Variants in PSD2 observed in about 807,000 individuals in gnomAD.
PSD2 encodes the protein pleckstrin and Sec7 domain containing 2, also known as PH and SEC7 domain-containing protein 2.
PSD2 carries 38 observed loss-of-function variants against 69.8 expected under a neutral mutation model. The observed-to-expected ratio is 0.54, with a 90% CI of 0.42 to 0.71. The LOEUF (loss-of-function observed/expected upper bound fraction) is 0.71. PSD2 is among the 30% of genes least tolerant of loss of function. The probability of loss-of-function intolerance (pLI) is 0.00; values close to 1 mark genes in which losing one functional copy is unlikely to be tolerated. For missense variants in PSD2, 943 were observed against 1,014.5 expected, an observed-to-expected ratio of 0.93 and a Z score of 0.96; for synonymous variants, 412 against 423.0, an observed-to-expected ratio of 0.97 and a Z score of 0.32.
rs1195500925 is a variant in PSD2, at chr5:139,837,022, G to C, written c.1594+21G>C. 6.2e-7 allele frequency: 1 copy of C among 1,606,896 alleles called. No individual in the cohort carries two copies. Among genetic ancestry groups the C allele is most frequent in the Admixed American group, 1.7e-5 (1 of 59,876 alleles). On this transcript the variant is annotated intron_variant, in intron 10 of 14. Coordinates refer to ENST00000274710, the MANE Select transcript of PSD2 (RefSeq NM_032289.4). This position sits in a 1 kb window ranked among gnomAD's most constrained non-coding sequence, Gnocchi z 5.0. ...GAGGAGTGGGTGTCAGGCTGGGAGA[G>C]GGGCATGGGAGGGAGGCTGGCACAG... is the stretch of plus-strand genomic sequence containing the variant.
At chr5:139,823,249 A>C (rs952264872) in intron 7 of PSD2, among the ~76,000 whole-genome samples, 4 of 152,162 alleles carry the variant, frequency 2.6e-5, no homozygotes, top group Non-Finnish European at 4.4e-5. Flanking sequence ...TCATGGCTCA[A>C]TAACTCCTTC....
rs139906609 is a variant in PSD2, at chr5:139,821,670, G to A, written c.1098-223G>A. ...TTTCAGAAGGTCCCTGGAGGGCAAT[G>A]AGGACTGAAACTCTAAAGCTTACCA... is the stretch of plus-strand genomic sequence containing the variant. On this transcript the variant is annotated intron_variant, in intron 5 of 14. Transcript: ENST00000274710. 2.3e-3 allele frequency among the ~76,000 whole-genome samples: 346 copies of A among 152,324 alleles called. 2 individuals carry two copies. The highest frequency in any genetic ancestry group is 4.0e-3 in the Non-Finnish European group (274 of 68,018).
At chr5:139,768,476 A>C in the PSD2 span, among the ~76,000 whole-genome samples, 1 of 152,152 alleles carries the variant, frequency 6.6e-6, no homozygotes, top group Non-Finnish European at 1.5e-5. Flanking sequence ...TAATCCCAGC[A>C]CTTTGGGAGG....
the PSD2 span, chr5:139,746,084 C>T: frequency 6.6e-6 from 1 of 152,198 alleles, no homozygotes; most frequent in South Asian, 2.1e-4. This position sits in a 1 kb window ranked among gnomAD's most constrained non-coding sequence, Gnocchi z 4.5. Flanking sequence ...AGGCCAAGCT[C>T]CACCTCTCTG....
intron 5 of PSD2, among the ~76,000 whole-genome samples, chr5:139,818,891 T>TA (rs1760188945): frequency 6.6e-6 from 1 of 152,238 alleles, no homozygotes; most frequent in African/African-American, 2.4e-5. Context: ...TTAAAAAATT[T>TA]AAAAAATAGA....
At chr5:139,789,991 GGCC>G in the PSD2 span, among the ~76,000 whole-genome samples, 1 of 148,574 alleles carries the variant, frequency 6.7e-6, no homozygotes, top group African/African-American at 2.4e-5. Context: ...AGCAGCACGG[GGCC>G]GGGCGGGCGC....
At position 139,814,079 on chromosome 5, in the gene PSD2, T is replaced by G; in HGVS notation, c.822-91T>G. The G allele has an allele frequency of 8.0e-7, 1 of 1,246,348 alleles. No homozygotes were observed. The highest frequency in any genetic ancestry group is 2.4e-5 in the East Asian group (1 of 42,414). The allele number at this position is 1,246,348 out of a possible 1,614,324, so 77.2% of individuals were successfully genotyped here. A position where few individuals can be genotyped will look rare whatever the true frequency, so the allele number is the denominator to read the frequency against. On this transcript the variant is annotated intron_variant, in intron 3 of 14. Transcript: ENST00000274710. This position sits in a 1 kb window ranked among gnomAD's most constrained non-coding sequence, Gnocchi z 4.4. ...TTCCCTGTTCTGGCCCCTACATGGT[T>G]TGCAGTGGCCTGGGGAAACCTCCCA...
In PSD2 at chr5:139,843,389, G is replaced by C. The variant is rs998922448; in HGVS notation, c.*915G>C. On this transcript the variant is annotated 3_prime_UTR_variant, in exon 15 of 15. Coordinates refer to ENST00000274710, the MANE Select transcript of PSD2 (RefSeq NM_032289.4). ...CTTTTGGAAAAAATAGAGCGTGTATGCACCGCCCCGTTTGTCCCATGGATA... is the reference window on the plus strand; with the variant it reads ...CTTTTGGAAAAAATAGAGCGTGTATCCACCGCCCCGTTTGTCCCATGGATA... The C allele has an allele frequency of 7.2e-5, 11 of 152,224 alleles. No homozygotes were observed. Among genetic ancestry groups the C allele is most frequent in the African/African-American group, 2.7e-4 (11 of 41,460 alleles). 9.4% of individuals were successfully genotyped at this position (152,224 alleles called of 1,614,324 possible).
chr5:139,809,858 GT>G, intron 2 of PSD2, 47 bp downstream of exon 2: 1 of 1,598,712 alleles, frequency 6.3e-7, no homozygotes, highest in Non-Finnish European at 8.5e-7. Flanking sequence ...TGGCTGTTCT[GT>G]TGTTGTGTGG....
intron 7 of PSD2, among the ~76,000 whole-genome samples, chr5:139,823,352 G>A (rs985818241): frequency 1.3e-5 from 2 of 152,056 alleles, no homozygotes; most frequent in Admixed American, 6.5e-5. Flanking sequence ...CCTGTGTGCC[G>A]AGGCCCCCAT....
the PSD2 span, among the ~76,000 whole-genome samples, chr5:139,783,453 G>T: frequency 6.6e-6 from 1 of 152,078 alleles, no homozygotes; most frequent in Non-Finnish European, 1.5e-5. Flanking sequence ...CAACAGATGC[G>T]TCCATATTGT....
At chr5:139,809,954 C>G in intron 2 of PSD2, 143 bp downstream of exon 2, 1 of 935,574 alleles carries the variant, frequency 1.1e-6, no homozygotes, top group Non-Finnish European at 1.6e-6. Context: ...TGCCCAGATT[C>G]TGGGTGTTTT....
chr5:139,795,461 C>A (rs1233563824), upstream of PSD2, among the ~76,000 whole-genome samples: 1 of 152,162 alleles, frequency 6.6e-6, no homozygotes, highest in African/African-American at 2.4e-5. The surrounding 1 kb of genome is among the most constrained non-coding windows in gnomAD (Gnocchi z 4.5). Context: ...AGGTTCTAGA[C>A]CGGTGGGTCC....
intron 8 of PSD2, among the ~76,000 whole-genome samples, chr5:139,834,982 C>T (rs1760680762): frequency 6.6e-6 from 1 of 151,582 alleles, no homozygotes; most frequent in Admixed American, 6.6e-5. Flanking sequence ...CCACTCCTCG[C>T]ATAGCAACCA....
the PSD2 span, among the ~76,000 whole-genome samples, chr5:139,786,330 C>T: frequency 4.6e-5 from 7 of 151,842 alleles, no homozygotes; most frequent in African/African-American, 1.7e-4. Context: ...GAGACCGGAG[C>T]GAACAAAGAT....
the PSD2 span, among the ~76,000 whole-genome samples, chr5:139,777,258 ATG>A: frequency 2.6e-5 from 4 of 152,348 alleles, no homozygotes; most frequent in Non-Finnish European, 4.4e-5. Context: ...ACAAAAAAAT[ATG>A]TGTTTGTTAT....
intron 6 of PSD2, 66 bp downstream of exon 6, chr5:139,822,071 A>C: frequency 9.7e-7 from 1 of 1,029,762 alleles, no homozygotes; most frequent in Non-Finnish European, 1.5e-6. Flanking sequence ...GTCCCCTCCC[A>C]TCCTGGTCCA....
the PSD2 span, among the ~76,000 whole-genome samples, chr5:139,763,388 G>A: frequency 6.6e-6 from 1 of 152,180 alleles, no homozygotes; most frequent in Non-Finnish European, 1.5e-5. Flanking sequence ...TGCCCACCTT[G>A]TCAGGCATCT....
chr5:139,801,342 C>T (rs772830640), intron 1 of PSD2, among the ~76,000 whole-genome samples: 37 of 152,210 alleles, frequency 2.4e-4, no homozygotes, highest in Non-Finnish European at 4.6e-4. Flanking sequence ...CTGACCTCTC[C>T]TCTCAAGGTC....
Sources: allele counts gnomAD v4.1 joint callset (sites outside exome capture counted in the v4.1 genomes callset), GRCh38; gene constraint gnomAD v4.1.1; non-coding constraint Gnocchi (gnomAD v3.1); transcripts MANE v1.5; gene names NCBI Gene and HGNC (gene_info 2026-07-23, HGNC 2026-07-21).